Variants in RASSF3 observed in about 807,000 individuals in gnomAD.
The protein encoded by RASSF3 is Ras association domain family member 3.
Under a neutral mutation model 19.9 loss-of-function variants are expected in RASSF3, and 19 were observed. That is an observed-to-expected ratio of 0.96 (90% CI 0.67 to 1.40). The LOEUF (loss-of-function observed/expected upper bound fraction) is 1.40, where lower values mean the gene tolerates loss of function less well. Among genes scored for constraint, RASSF3 ranks in the 40% most tolerant of loss-of-function variants. The probability of loss-of-function intolerance (pLI) is 0.00; values close to 1 mark genes in which losing one functional copy is unlikely to be tolerated. For synonymous variants in RASSF3, 110 were observed against 104.2 expected, an observed-to-expected ratio of 1.06 and a Z score of -0.34; for missense variants, 306 against 289.8, an observed-to-expected ratio of 1.06 and a Z score of -0.41.
At chr12:64,661,821 A>G (rs1872374521) in intron 1 of RASSF3, among the ~76,000 whole-genome samples, 1 of 150,444 alleles carries the variant, frequency 6.6e-6, no homozygotes, top group South Asian at 2.1e-4. Context: ...TGCTGGGATT[A>G]CAGGTGCCAC....
In RASSF3 at chr12:64,696,607, T is replaced by G. The variant is rs1868373447; in HGVS notation, c.*1695T>G. ...TCTTTGCCCAAGTGAACTGTGCCTT[T>G]TATTGCATTTCTGTTCGTCTCTTGG... On this transcript the variant is annotated 3_prime_UTR_variant, in exon 5 of 5. Transcript: ENST00000542104. The G allele has an allele frequency of 6.6e-6, 1 of 152,222 alleles. No individual in the cohort carries two copies. The allele number at this position is 152,222 out of a possible 1,614,324, so 9.4% of individuals were successfully genotyped here.
intron 2 of RASSF3, among the ~76,000 whole-genome samples, chr12:64,586,491 G>GAAAAAAAAAAAAAAA (rs10708538): frequency 2.9e-5 from 2 of 70,148 alleles, no homozygotes; most frequent in African/African-American, 1.2e-4. Flanking sequence ...CTCCTTCTCA[G>GAAAAAAAAAAAAAAA]AAAAAAAAAA....
At chr12:64,507,918 G>T (rs1000304843) in intron 1 of RASSF3, among the ~76,000 whole-genome samples, 17 of 152,214 alleles carry the variant, frequency 1.1e-4, no homozygotes, top group Middle Eastern at 3.4e-3. Context: ...AGAGGAGAGG[G>T]GGTTAAAGGG....
intron 2 of RASSF3, among the ~76,000 whole-genome samples, chr12:64,560,923 T>C (rs909137834): frequency 2.6e-5 from 4 of 152,240 alleles, no homozygotes; most frequent in Non-Finnish European, 5.9e-5. Context: ...TCAGCCTGGT[T>C]GATGGGGCAT....
rs981056777 is a variant in RASSF3, at chr12:64,696,491, C to G, written c.*1579C>G. The stretch of plus-strand genomic sequence containing the variant: ...AGGGGCCTTATATTCTATTTTTAGT[C>G]TAGATATTTTTTGTTTATAAATTCC... On this transcript the variant is annotated 3_prime_UTR_variant, in exon 5 of 5. Coordinates refer to ENST00000542104, the MANE Select transcript of RASSF3 (RefSeq NM_178169.4). The G allele has an allele frequency of 5.9e-5, 9 of 152,110 alleles. No individual in the cohort carries two copies. The highest frequency in any genetic ancestry group is 2.2e-4 in the African/African-American group (9 of 41,416). 9.4% of individuals were successfully genotyped at this position (152,110 alleles called of 1,614,324 possible). A position where few individuals can be genotyped will look rare whatever the true frequency, so the allele number is the denominator to read the frequency against.
chr12:64,591,906 GT>G (rs527640122), intron 2 of RASSF3, among the ~76,000 whole-genome samples: 5,745 of 142,826 alleles, frequency 0.04, 361 homozygotes, highest in African/African-American at 0.14. Context: ...TTCGGTTGCT[GT>G]TTTTTTTTTT....
intron 2 of RASSF3, among the ~76,000 whole-genome samples, chr12:64,597,257 C>G (rs960925600): frequency 6.6e-6 from 1 of 151,728 alleles, no homozygotes; most frequent in Non-Finnish European, 1.5e-5. Flanking sequence ...CTCAGCCCCT[C>G]GAGTAGCTGG....
At chr12:64,674,753 G>C (rs189240514) in intron 1 of RASSF3, among the ~76,000 whole-genome samples, 117 of 152,272 alleles carry the variant, frequency 7.7e-4, no homozygotes, top group African/African-American at 2.3e-3. Flanking sequence ...ACGGCTTCCT[G>C]GGTGGGGTGG....
intron 1 of RASSF3, among the ~76,000 whole-genome samples, chr12:64,526,279 A>C (rs2136106950): frequency 6.6e-6 from 1 of 152,326 alleles, no homozygotes; most frequent in South Asian, 2.1e-4. Context: ...AACCTCATTA[A>C]TATATGCATT....
chr12:64,673,112 C>T (rs773754660), intron 1 of RASSF3, among the ~76,000 whole-genome samples: 6 of 152,216 alleles, frequency 3.9e-5, no homozygotes, highest in Admixed American at 6.5e-5. Context: ...AAGGATATGG[C>T]AGTCTTGAGA....
intron 2 of RASSF3, among the ~76,000 whole-genome samples, chr12:64,563,057 T>G (rs1869373611): frequency 6.6e-6 from 1 of 152,244 alleles, no homozygotes; most frequent in Non-Finnish European, 1.5e-5. Context: ...AAAGCCACCA[T>G]CATCTCACTC....
At chr12:64,571,536 A>T (rs1476301177) in intron 2 of RASSF3, among the ~76,000 whole-genome samples, 1 of 152,190 alleles carries the variant, frequency 6.6e-6, no homozygotes, top group Non-Finnish European at 1.5e-5. Context: ...TTCAGCACAC[A>T]TAAGCTTCCT....
chr12:64,663,689 A>G (rs1872448921), intron 1 of RASSF3, among the ~76,000 whole-genome samples: 1 of 151,982 alleles, frequency 6.6e-6, no homozygotes, highest in African/African-American at 2.4e-5. Flanking sequence ...TATTTTTACT[A>G]GAGATGGGGT....
At chr12:64,618,855 T>G (rs1466472452) in intron 1 of RASSF3, among the ~76,000 whole-genome samples, 6 of 152,088 alleles carry the variant, frequency 3.9e-5, no homozygotes, top group Admixed American at 2.0e-4. Flanking sequence ...GCTAGTCTGA[T>G]TGAGATTGCT....
At chr12:64,575,002 T>C (rs1869573179) in intron 2 of RASSF3, among the ~76,000 whole-genome samples, 1 of 152,234 alleles carries the variant, frequency 6.6e-6, no homozygotes, top group Non-Finnish European at 1.5e-5. Context: ...ACTGGAAACT[T>C]GCTAAGTTTG....
At chr12:64,687,326 A>G (rs1049869692) in intron 2 of RASSF3, among the ~76,000 whole-genome samples, 30 of 152,188 alleles carry the variant, frequency 2.0e-4, no homozygotes, top group African/African-American at 6.8e-4. Context: ...TACAAAAATA[A>G]AAATAAAAAG....
chr12:64,529,252 T>C (rs1028009509), upstream of RASSF3, among the ~76,000 whole-genome samples: 5 of 152,228 alleles, frequency 3.3e-5, no homozygotes, highest in Non-Finnish European at 7.3e-5. Context: ...AAAAGTCAAG[T>C]CTTCAGGAAG....
At chr12:64,602,789 A>G (rs1281172470) in intron 2 of RASSF3, among the ~76,000 whole-genome samples, 1 of 151,730 alleles carries the variant, frequency 6.6e-6, no homozygotes, top group East Asian at 2.0e-4. Flanking sequence ...ATTTCTCCCT[A>G]TACTCTTTAC....
chr12:64,565,023 C>T (rs150755535), intron 2 of RASSF3, among the ~76,000 whole-genome samples: 1,520 of 151,772 alleles, frequency 0.01, 32 homozygotes, highest in African/African-American at 0.034. Context: ...TCAGGTGATC[C>T]ACCTGCCTCA....
Sources: gnomAD v4.1 joint callset for allele counts (sites outside exome capture counted in the v4.1 genomes callset) on GRCh38, gnomAD v4.1.1 for gene constraint, MANE v1.5 for transcripts, NCBI Gene and HGNC (gene_info 2026-07-23, HGNC 2026-07-21) for gene names.